The following DOCK1 variants were observed in gnomAD, a reference collection of about 807,000 sequenced individuals.
DOCK1 encodes the protein dedicator of cytokinesis protein 1.
DOCK1 carries 138 observed loss-of-function variants against 262.7 expected under a neutral mutation model. The observed-to-expected ratio is 0.53, with a 90% confidence interval of 0.46 to 0.61. The LOEUF (loss-of-function observed/expected upper bound fraction) is 0.61, where lower values mean the gene tolerates loss of function less well. DOCK1 is among the 20% of genes least tolerant of loss of function. The pLI is 0.00. For missense variants in DOCK1, 1,908 were observed against 2,370.7 expected, an observed-to-expected ratio of 0.80 and a Z score of 4.05; for synonymous variants, 866 against 867.4, an observed-to-expected ratio of 1.00 and a Z score of 0.03.
intron 29 of DOCK1, among the ~76,000 whole-genome samples, chr10:127,281,739 G>A (rs2060970499): frequency 6.6e-6 from 1 of 152,178 alleles, no homozygotes; most frequent in East Asian, 1.9e-4. Flanking sequence ...CTCACATCAA[G>A]AGCCAGGTTC....
At chr10:127,141,487 G>C (rs2133291555) in intron 27 of DOCK1, among the ~76,000 whole-genome samples, 1 of 152,296 alleles carries the variant, frequency 6.6e-6, no homozygotes, top group East Asian at 1.9e-4. Context: ...CGGATCACTT[G>C]AGATCAGGAG....
At chr10:126,923,074 A>G (rs1162638869) in intron 1 of DOCK1, among the ~76,000 whole-genome samples, 1 of 152,002 alleles carries the variant, frequency 6.6e-6, no homozygotes, top group Non-Finnish European at 1.5e-5. Context: ...GTGCCATTGC[A>G]CTCCAGTCTG....
chr10:127,319,646 C>T (rs1029490165), intron 29 of DOCK1, among the ~76,000 whole-genome samples: 4 of 152,254 alleles, frequency 2.6e-5, no homozygotes, highest in East Asian at 3.9e-4. Context: ...ATTTACTAGA[C>T]GGAACAAGGA....
chr10:127,243,725 C>T (rs776685713), intron 27 of DOCK1, among the ~76,000 whole-genome samples: 16 of 152,068 alleles, frequency 1.1e-4, no homozygotes, highest in Non-Finnish European at 2.9e-5. Context: ...ACAGGGGGAG[C>T]CCTGCGAGAG....
At chr10:127,233,461 AT>A (rs959459624) in intron 27 of DOCK1, among the ~76,000 whole-genome samples, 68 of 152,256 alleles carry the variant, frequency 4.5e-4, no homozygotes, top group African/African-American at 1.4e-3. Context: ...CATTCAAGAG[AT>A]TTTTTTCCCC....
At chr10:127,190,297 C>A (rs2056625384) in intron 27 of DOCK1, among the ~76,000 whole-genome samples, 1 of 152,184 alleles carries the variant, frequency 6.6e-6, no homozygotes, top group African/African-American at 2.4e-5. Flanking sequence ...TACTGTTCAG[C>A]CCTGGAAGCC....
intron 5 of DOCK1, chr10:126,988,225 G>A (rs2039551893): frequency 6.6e-6 from 1 of 152,134 alleles, no homozygotes; most frequent in South Asian, 2.1e-4. Flanking sequence ...TTCCCTCGGG[G>A]CATTTCTTTG....
chr10:127,385,076 A>C (rs1340435708), intron 38 of DOCK1, among the ~76,000 whole-genome samples, 167 bp downstream of exon 38: 1 of 150,472 alleles, frequency 6.6e-6, no homozygotes, highest in Non-Finnish European at 1.5e-5. Context: ...TAAAAGTAGA[A>C]ATCTTCTTTT....
chr10:126,913,115 G>T (rs1157051508), intron 1 of DOCK1, among the ~76,000 whole-genome samples: 2 of 152,054 alleles, frequency 1.3e-5, no homozygotes, highest in African/African-American at 4.8e-5. Context: ...AATCAAATTA[G>T]TGACAGAACA....
At chr10:127,161,588 C>T (rs2053598321) in intron 27 of DOCK1, among the ~76,000 whole-genome samples, 1 of 152,216 alleles carries the variant, frequency 6.6e-6, no homozygotes, top group Non-Finnish European at 1.5e-5. Context: ...CCTCTGTTCT[C>T]CCCTGCTTTT....
At chr10:126,975,083 A>C (rs2038415885) in intron 2 of DOCK1, among the ~76,000 whole-genome samples, 1 of 152,014 alleles carries the variant, frequency 6.6e-6, no homozygotes, top group African/African-American at 2.4e-5. Flanking sequence ...TTTGGTGTGC[A>C]TCTGTTTTTA....
chr10:127,045,208 A>T (rs2044268987), intron 21 of DOCK1, among the ~76,000 whole-genome samples: 1 of 129,634 alleles, frequency 7.7e-6, no homozygotes, highest in African/African-American at 2.8e-5. Context: ...AATAAAAAAA[A>T]AAAAAAAAAA....
chr10:127,234,500 T>C (rs112043388), intron 27 of DOCK1, among the ~76,000 whole-genome samples: 2 of 152,056 alleles, frequency 1.3e-5, no homozygotes, highest in African/African-American at 2.4e-5. Flanking sequence ...ATTCCTGAAA[T>C]GGCATAAAAA....
chr10:127,206,161 T>C (rs1185185245), intron 27 of DOCK1, among the ~76,000 whole-genome samples: 1 of 125,756 alleles, frequency 8.0e-6, no homozygotes, highest in Non-Finnish European at 1.7e-5. Context: ...TTTTTTTTTT[T>C]GTGACAGAGT....
At chr10:127,386,575 A>T (rs758076085) in intron 38 of DOCK1, among the ~76,000 whole-genome samples, 62 of 151,244 alleles carry the variant, frequency 4.1e-4, no homozygotes, top group African/African-American at 1.5e-3. Context: ...TGAGAATCTA[A>T]TGCCTGATGA....
chr10:127,281,121 G>T (rs2135278159), intron 29 of DOCK1, among the ~76,000 whole-genome samples: 1 of 152,338 alleles, frequency 6.6e-6, no homozygotes, highest in South Asian at 2.1e-4. Context: ...GGAAGTGGAG[G>T]CTCCAGGGCT....
chr10:127,286,012 G>A (rs2061139687), intron 29 of DOCK1, among the ~76,000 whole-genome samples: 1 of 152,126 alleles, frequency 6.6e-6, no homozygotes, highest in African/African-American at 2.4e-5. Context: ...TGGTGATGGT[G>A]TCCTAGCATG....
intron 48 of DOCK1, among the ~76,000 whole-genome samples, chr10:127,436,275 G>C (rs1194127621): frequency 6.6e-6 from 1 of 152,180 alleles, no homozygotes; most frequent in East Asian, 1.9e-4. Flanking sequence ...CCAGCACTTT[G>C]GGAGGCTGAG....
intron 25 of DOCK1, among the ~76,000 whole-genome samples, chr10:127,112,357 G>A (rs1007153799): frequency 1.5e-4 from 23 of 152,178 alleles, no homozygotes; most frequent in African/African-American, 3.4e-4. Context: ...TCTTTAGGTC[G>A]TAGAAAGCTT....
Sources: allele counts gnomAD v4.1 joint callset (sites outside exome capture counted in the v4.1 genomes callset), GRCh38; gene constraint gnomAD v4.1.1; transcripts MANE v1.5; gene names NCBI Gene and HGNC (gene_info 2026-07-23, HGNC 2026-07-21).